The following COP1 variants were observed in gnomAD, a reference collection of about 807,000 sequenced individuals.
The protein encoded by COP1 is COP1 E3 ubiquitin ligase, also known as E3 ubiquitin-protein ligase COP1.
COP1 carries 24 observed loss-of-function variants against 101.3 expected under a neutral mutation model. The observed-to-expected ratio is 0.24, with a 90% CI of 0.17 to 0.33. The LOEUF (loss-of-function observed/expected upper bound fraction) is 0.33. Among genes scored for constraint, COP1 ranks in the 10% least tolerant of loss-of-function variants. The probability of loss-of-function intolerance (pLI) is 1.00; values close to 1 mark genes in which losing one functional copy is unlikely to be tolerated. For missense variants in COP1, 663 were observed against 906.2 expected, an observed-to-expected ratio of 0.73 and a Z score of 3.45; for synonymous variants, 347 against 341.9, an observed-to-expected ratio of 1.01 and a Z score of -0.17.
At chr1:175,951,463 A>ATATATATATATATATATATATAT (rs1558154896) in intron 18 of COP1, among the ~76,000 whole-genome samples, 997 of 38,940 alleles carry the variant, frequency 0.026, 20 homozygotes, top group East Asian at 0.034. Flanking sequence ...TATATATATA[A>ATATATATATATATATATATATAT]AAACTTCCAT....
chr1:176,137,107 A>G lies in COP1; in HGVS notation c.832-560T>C, dbSNP rs553267105. Reference sequence around the variant, plus strand: ...CAGAGGTTAAATCCCCTCACCCAAAAGCAACCACAAGTCAGTATCTTAACA... The same window carrying G: ...CAGAGGTTAAATCCCCTCACCCAAAGGCAACCACAAGTCAGTATCTTAACA... On this transcript the variant is annotated intron_variant, in intron 6 of 19. Coordinates refer to ENST00000367669, the MANE Select transcript of COP1 (RefSeq NM_022457.7). 6.6e-5 allele frequency among the ~76,000 whole-genome samples: 10 copies of G among 152,304 alleles called. No individual in the cohort carries two copies. In the South Asian group the frequency reaches 1.9e-3, roughly 28 times the overall value.
chr1:176,147,506 A>T (rs913318478), intron 6 of COP1, among the ~76,000 whole-genome samples: 1 of 152,342 alleles, frequency 6.6e-6, no homozygotes, highest in Middle Eastern at 3.4e-3. Context: ...ACTGTACACT[A>T]GAGGCACAAA....
At chr1:176,206,023 G>A (rs1187034451) in intron 1 of COP1, among the ~76,000 whole-genome samples, 1 of 152,174 alleles carries the variant, frequency 6.6e-6, no homozygotes, top group East Asian at 1.9e-4. Context: ...ACATACATAC[G>A]ATAGGTACTT....
At chr1:176,136,789 TG>T (rs764673816) in intron 6 of COP1, among the ~76,000 whole-genome samples, 6 of 152,180 alleles carry the variant, frequency 3.9e-5, no homozygotes, top group Non-Finnish European at 8.8e-5. Context: ...TACAACAGTT[TG>T]ATTTTACAAT....
chr1:175,962,135 T>C (rs987446977), intron 18 of COP1, among the ~76,000 whole-genome samples: 1 of 152,178 alleles, frequency 6.6e-6, no homozygotes, highest in Non-Finnish European at 1.5e-5. Context: ...TTTGGTGTTG[T>C]AGATCAGAAT....
intron 9 of COP1, among the ~76,000 whole-genome samples, chr1:176,092,042 T>C (rs971549905): frequency 4.6e-5 from 7 of 152,094 alleles, no homozygotes; most frequent in Non-Finnish European, 8.8e-5. Context: ...ACATAACCCA[T>C]CTGTATGTAA....
chr1:175,972,868 T>C (rs934922763), intron 18 of COP1, among the ~76,000 whole-genome samples: 1 of 152,142 alleles, frequency 6.6e-6, no homozygotes, highest in Non-Finnish European at 1.5e-5. Flanking sequence ...GTTTCGCTCT[T>C]GTTGCCCAGG....
chr1:176,000,582 C>T (rs1303683484), intron 15 of COP1, among the ~76,000 whole-genome samples: 1 of 151,926 alleles, frequency 6.6e-6, no homozygotes, highest in Non-Finnish European at 1.5e-5. Flanking sequence ...TATGTGGTCT[C>T]TCACTGATTG....
At position 176,178,971 on chromosome 1, in the gene COP1, AT is replaced by A. The variant is rs1184813524; in HGVS notation, c.468-2965del. Among the ~76,000 whole-genome samples the A allele has an allele frequency of 4.9e-3, 715 of 146,100 alleles. 8 individuals are homozygous for A. The highest frequency in any genetic ancestry group is 0.016 in the African/African-American group (619 of 39,894). ...GGGCAGATCACTTGAGGTCAGGAGAATTTTTTTTTTTTAGTTTTTTTTTTTA... is the reference window on the plus strand; with the variant it reads ...GGGCAGATCACTTGAGGTCAGGAGAATTTTTTTTTTTAGTTTTTTTTTTTA... On this transcript the variant is annotated intron_variant, in intron 2 of 19. Transcript: ENST00000367669.
At chr1:176,095,980 A>AATG (rs1682285550) in intron 9 of COP1, among the ~76,000 whole-genome samples, 1 of 152,182 alleles carries the variant, frequency 6.6e-6, no homozygotes, top group Non-Finnish European at 1.5e-5. Context: ...TCTGTGACAA[A>AATG]ATGAGAAGTA....
At chr1:176,155,815 C>T (rs541176058) in intron 5 of COP1, among the ~76,000 whole-genome samples, 1 of 152,064 alleles carries the variant, frequency 6.6e-6, no homozygotes, top group South Asian at 2.1e-4. Flanking sequence ...AAAATGACTA[C>T]TGATTTCATC....
At chr1:176,204,381 A>G (rs992970314) in intron 1 of COP1, among the ~76,000 whole-genome samples, 6 of 152,204 alleles carry the variant, frequency 3.9e-5, no homozygotes, top group Non-Finnish European at 5.9e-5. Flanking sequence ...ATATAAAAGC[A>G]TAGAATAATT....
At chr1:176,053,840 G>A (rs1672984370) in intron 11 of COP1, among the ~76,000 whole-genome samples, 1 of 152,010 alleles carries the variant, frequency 6.6e-6, no homozygotes, top group Non-Finnish European at 1.5e-5. Flanking sequence ...ACACAACTTT[G>A]CACTCTGTTA....
chr1:176,195,186 G>A (rs1455739116), intron 1 of COP1, among the ~76,000 whole-genome samples: 2 of 151,554 alleles, frequency 1.3e-5, no homozygotes, highest in Non-Finnish European at 2.9e-5. Flanking sequence ...GGGAGGGAAG[G>A]GAGGAAGGAA....
chr1:176,100,509 T>C (rs1202335022), intron 9 of COP1: 2 of 152,198 alleles, frequency 1.3e-5, no homozygotes, highest in Admixed American at 6.5e-5. Flanking sequence ...CATTTTAGAC[T>C]AACCCTGCTT....
intron 18 of COP1, among the ~76,000 whole-genome samples, chr1:175,967,294 G>A (rs1652210706): frequency 6.6e-6 from 1 of 152,162 alleles, no homozygotes; most frequent in South Asian, 2.1e-4. Flanking sequence ...CTACTGGCGT[G>A]AGCCACCGCG....
chr1:176,185,769 T>C (rs1051729292), intron 1 of COP1, among the ~76,000 whole-genome samples: 1 of 152,248 alleles, frequency 6.6e-6, no homozygotes, highest in African/African-American at 2.4e-5. Context: ...TTGTCTCCGC[T>C]GGACTTCACA....
intron 1 of COP1, among the ~76,000 whole-genome samples, chr1:176,205,001 C>T (rs911765581): frequency 2.6e-5 from 4 of 152,204 alleles, no homozygotes; most frequent in Non-Finnish European, 5.9e-5. Context: ...CACTGAACTT[C>T]ATATGGTGCC....
intron 15 of COP1, among the ~76,000 whole-genome samples, chr1:175,992,884 G>A (rs1161039991): frequency 6.6e-6 from 1 of 152,212 alleles, no homozygotes; most frequent in Non-Finnish European, 1.5e-5. Context: ...GCTTTGAAGA[G>A]AGCAGTGGTT....
Sources: allele counts gnomAD v4.1 joint callset (sites outside exome capture counted in the v4.1 genomes callset), GRCh38; gene constraint gnomAD v4.1.1; transcripts MANE v1.5; gene names NCBI Gene and HGNC (gene_info 2026-07-23, HGNC 2026-07-21).